Variants in RCL1 observed in about 807,000 individuals in gnomAD.
RCL1 encodes the protein RNA 3'-terminal phosphate cyclase-like protein.
Under a neutral mutation model 42.4 loss-of-function variants are expected in RCL1, and 24 were observed. The observed-to-expected ratio is 0.57, with a 90% confidence interval of 0.41 to 0.80. The LOEUF (loss-of-function observed/expected upper bound fraction) is 0.80, where lower values mean the gene tolerates loss of function less well. Among genes scored for constraint, RCL1 ranks in the 30% least tolerant of loss-of-function variants. The probability of loss-of-function intolerance (pLI) is 0.00; values close to 1 mark genes in which losing one functional copy is unlikely to be tolerated. For synonymous variants in RCL1, 228 were observed against 177.3 expected (o/e 1.29, Z -2.27); for missense variants, 578 against 467.9 (o/e 1.24, Z -2.17).
intron 1 of RCL1, among the ~76,000 whole-genome samples, chr9:4,816,540 T>C (rs967407127): frequency 6.6e-6 from 1 of 152,190 alleles, no homozygotes; most frequent in African/African-American, 2.4e-5. Flanking sequence ...GTTGAATTTT[T>C]CCCCCTGCTT....
At chr9:4,820,632 T>C (rs1297367200) in intron 1 of RCL1, among the ~76,000 whole-genome samples, 1 of 152,218 alleles carries the variant, frequency 6.6e-6, no homozygotes, top group Non-Finnish European at 1.5e-5. Flanking sequence ...AATCTTAGGC[T>C]TTATTTGTAG....
At chr9:4,804,652 C>T (rs1843068827) in intron 1 of RCL1, 1 of 154,170 alleles carries the variant, frequency 6.5e-6, no homozygotes. Flanking sequence ...GTTGCCCGGT[C>T]CAACGCCCCG....
chr9:4,815,967 T>A (rs942749386), intron 1 of RCL1, among the ~76,000 whole-genome samples: 3 of 152,148 alleles, frequency 2.0e-5, no homozygotes, highest in Admixed American at 1.3e-4. Context: ...CATTTCCTTC[T>A]GCTCTCTCTG....
intron 5 of RCL1, among the ~76,000 whole-genome samples, chr9:4,835,493 C>T (rs936041231): frequency 1.3e-5 from 2 of 151,988 alleles, no homozygotes; most frequent in Admixed American, 6.5e-5. Context: ...AGGGAAACAG[C>T]GGCTTGTGGG....
intron 1 of RCL1, among the ~76,000 whole-genome samples, chr9:4,822,000 G>T (rs932242893): frequency 6.6e-6 from 1 of 152,196 alleles, no homozygotes; most frequent in African/African-American, 2.4e-5. Flanking sequence ...GTGCCTCAGG[G>T]ATATGAGTAT....
intron 8 of RCL1, among the ~76,000 whole-genome samples, chr9:4,853,937 A>G (rs371584898): frequency 1.8e-4 from 28 of 152,212 alleles, no homozygotes; most frequent in African/African-American, 6.7e-4. Flanking sequence ...TGAAGAACCA[A>G]TGAGGAAACC....
At chr9:4,857,878 C>G (rs1225404570) in intron 8 of RCL1, among the ~76,000 whole-genome samples, 1 of 145,576 alleles carries the variant, frequency 6.9e-6, no homozygotes, top group Admixed American at 7.0e-5. Flanking sequence ...TGTTGAGCAT[C>G]TTTTCATGTC....
At chr9:4,842,176 C>T (rs1277133639) in intron 6 of RCL1, among the ~76,000 whole-genome samples, 1 of 152,126 alleles carries the variant, frequency 6.6e-6, no homozygotes, top group Non-Finnish European at 1.5e-5. Flanking sequence ...CATTTCACTT[C>T]ACATCTGAGG....
At chr9:4,818,331 T>C (rs1816469234) in intron 1 of RCL1, among the ~76,000 whole-genome samples, 2 of 152,228 alleles carry the variant, frequency 1.3e-5, no homozygotes, top group Admixed American at 1.3e-4. Flanking sequence ...CATTTTTTTT[T>C]CTTGACCTCA....
At chr9:4,820,949 A>G (rs1326920289) in intron 1 of RCL1, among the ~76,000 whole-genome samples, 1 of 152,188 alleles carries the variant, frequency 6.6e-6, no homozygotes, top group East Asian at 1.9e-4. Context: ...AGTTATTCCA[A>G]CGTAGTTTAT....
At chr9:4,814,117 C>G (rs1426774240) in intron 1 of RCL1, among the ~76,000 whole-genome samples, 1 of 151,794 alleles carries the variant, frequency 6.6e-6, no homozygotes, top group African/African-American at 2.4e-5. Flanking sequence ...GCACGTTGTG[C>G]ACATGTACCC....
At chr9:4,811,198 C>A (rs1481916431) in intron 1 of RCL1, among the ~76,000 whole-genome samples, 2 of 151,420 alleles carry the variant, frequency 1.3e-5, no homozygotes, top group Middle Eastern at 3.4e-3. Flanking sequence ...GGGAGGATCA[C>A]TTGAGCCCAG....
chr9:4,822,220 C>G (rs1268080569), intron 1 of RCL1, among the ~76,000 whole-genome samples: 1 of 152,180 alleles, frequency 6.6e-6, no homozygotes, highest in East Asian at 1.9e-4. Context: ...TCCACTCACC[C>G]TTTGGGATCA....
chr9:4,822,798 G>A (rs927030860), intron 1 of RCL1, among the ~76,000 whole-genome samples: 1 of 151,988 alleles, frequency 6.6e-6, no homozygotes, highest in African/African-American at 2.4e-5. Context: ...TCCAGTTTGG[G>A]CAACAAACCC....
chr9:4,804,630 G>A (rs538675992), intron 1 of RCL1: 2 of 153,264 alleles, frequency 1.3e-5, no homozygotes, highest in South Asian at 4.0e-4. Context: ...TGTAGAGGAG[G>A]CCTCCGCCGG....
intron 3 of RCL1, among the ~76,000 whole-genome samples, chr9:4,828,688 T>G (rs1355778601): frequency 6.6e-6 from 1 of 151,976 alleles, no homozygotes; most frequent in Non-Finnish European, 1.5e-5. Context: ...TGTACAGCAG[T>G]GTGTGTATCT....
At chr9:4,859,330 C>T (rs544446701) in intron 8 of RCL1, among the ~76,000 whole-genome samples, 5 of 152,256 alleles carry the variant, frequency 3.3e-5, no homozygotes, top group African/African-American at 1.2e-4. Flanking sequence ...CACAGTTCTT[C>T]CCCGTCTGTG....
intron 1 of RCL1, among the ~76,000 whole-genome samples, chr9:4,806,052 GTGTGTGTGTGTT>G (rs1815946845): frequency 6.8e-6 from 1 of 146,534 alleles, no homozygotes; most frequent in African/African-American, 2.6e-5. Flanking sequence ...GTGTTTGTGT[GTGTGTGTGTGTT>G]TGTGTGTGTA....
At chr9:4,833,910 T>G (rs1272191238) in intron 4 of RCL1, among the ~76,000 whole-genome samples, 1 of 152,248 alleles carries the variant, frequency 6.6e-6, no homozygotes, top group Admixed American at 6.5e-5. Context: ...GTTAAAGAGA[T>G]GAGTGGCAGA....
Sources: allele counts gnomAD v4.1 joint callset (sites outside exome capture counted in the v4.1 genomes callset), GRCh38; gene constraint gnomAD v4.1.1; transcripts MANE v1.5; gene names NCBI Gene and HGNC (gene_info 2026-07-23, HGNC 2026-07-21).